The following BMPER variants were observed in gnomAD, a reference collection of about 807,000 sequenced individuals.
The protein encoded by BMPER is BMP-binding endothelial regulator protein.
Under a neutral mutation model 87.3 loss-of-function variants are expected in BMPER, and 45 were observed. The ratio of observed to expected loss-of-function variants is 0.52; its 90% CI spans 0.41 to 0.66. BMPER has a LOEUF of 0.66. Ranked by LOEUF, BMPER falls within the 30% of genes least tolerant of loss-of-function variation. The pLI, the probability that BMPER is intolerant of heterozygous loss-of-function variation, is 0.00. For missense variants in BMPER, 784 were observed against 867.5 expected (o/e 0.90, Z 1.21); for synonymous variants, 326 against 316.2 (o/e 1.03, Z -0.33).
upstream of BMPER, chr7:33,905,237 C>A: frequency 3.0e-6 from 1 of 334,664 alleles, no homozygotes; most frequent in Non-Finnish European, 5.7e-6. Flanking sequence ...AGCGGCAGTG[C>A]GCAGTCGGCA....
At chr7:33,980,819 G>A (rs774276336) in intron 6 of BMPER, among the ~76,000 whole-genome samples, 3 of 152,214 alleles carry the variant, frequency 2.0e-5, no homozygotes, top group Non-Finnish European at 4.4e-5. Flanking sequence ...TTAATGGGCT[G>A]TCTGTGATGA....
At chr7:34,039,312 TA>T (rs1201882330) in intron 6 of BMPER, among the ~76,000 whole-genome samples, 2 of 152,124 alleles carry the variant, frequency 1.3e-5, no homozygotes, top group Non-Finnish European at 2.9e-5. Flanking sequence ...GGAAAGTTAT[TA>T]AAAATGCGCA....
chr7:34,119,012 T>A (rs1458882966), intron 13 of BMPER, among the ~76,000 whole-genome samples: 1,561 of 32,946 alleles, frequency 0.047, 20 homozygotes, highest in Middle Eastern at 0.14. Context: ...TCTCTCTCTC[T>A]CTCACACACA....
At chr7:34,129,957 A>G (rs1326162286) in intron 13 of BMPER, among the ~76,000 whole-genome samples, 1 of 152,170 alleles carries the variant, frequency 6.6e-6, no homozygotes, top group Non-Finnish European at 1.5e-5. Context: ...ATATGAATAT[A>G]AGGACTTCTA....
chr7:33,940,934 G>T (rs1481407945), intron 3 of BMPER, among the ~76,000 whole-genome samples: 7 of 129,992 alleles, frequency 5.4e-5, no homozygotes, highest in African/African-American at 1.8e-4. Context: ...ATATATAATA[G>T]AATTTATATA....
At chr7:34,111,871 G>A (rs948446269) in intron 13 of BMPER, among the ~76,000 whole-genome samples, 22 of 151,956 alleles carry the variant, frequency 1.4e-4, no homozygotes, top group Admixed American at 1.2e-3. Context: ...GCACCACCAC[G>A]CCTGGCTACT....
intron 2 of BMPER, among the ~76,000 whole-genome samples, chr7:33,928,163 G>A (rs960818440): frequency 6.6e-6 from 1 of 152,098 alleles, no homozygotes; most frequent in African/African-American, 2.4e-5. Flanking sequence ...AAGAGAGAAG[G>A]GTTGACTGAG....
intron 6 of BMPER, among the ~76,000 whole-genome samples, chr7:34,001,722 A>T (rs1044549606): frequency 6.6e-5 from 10 of 151,532 alleles, no homozygotes; most frequent in Non-Finnish European, 1.5e-4. Flanking sequence ...GGTGACTTTA[A>T]GGTTTAGTTA....
chr7:34,143,221 G>A lies in BMPER; in HGVS notation c.1746-9G>A, dbSNP rs771051461. On this transcript the variant is annotated splice_polypyrimidine_tract_variant and intron_variant, in intron 13 of 14. Transcript: ENST00000649409. ...TTAAATGTTTCTATCTCTCTTTTGGGTCCTATAGGTCCTGTGTGACAGACA... is the reference window on the plus strand; with the variant it reads ...TTAAATGTTTCTATCTCTCTTTTGGATCCTATAGGTCCTGTGTGACAGACA... The A allele has an allele frequency of 6.2e-7, 1 of 1,613,750 alleles. No individual in the cohort carries two copies. The highest frequency in any genetic ancestry group is 8.5e-7 in the Non-Finnish European group (1 of 1,179,816).
At chr7:33,953,174 G>T (rs1264428968) in intron 3 of BMPER, among the ~76,000 whole-genome samples, 1 of 152,220 alleles carries the variant, frequency 6.6e-6, no homozygotes, top group African/African-American at 2.4e-5. Context: ...CCACCTTGAT[G>T]AGGCTGTGAA....
At chr7:34,089,434 A>G (rs1288012466) in intron 13 of BMPER, among the ~76,000 whole-genome samples, 1 of 152,126 alleles carries the variant, frequency 6.6e-6, no homozygotes, top group Non-Finnish European at 1.5e-5. Flanking sequence ...AATAATGACA[A>G]TGTCTCTGAA....
intron 11 of BMPER, among the ~76,000 whole-genome samples, chr7:34,062,810 G>A (rs558464543): frequency 1.1e-4 from 16 of 152,268 alleles, no homozygotes; most frequent in Middle Eastern, 3.4e-3. Context: ...AGTAGAAAAG[G>A]TATAGTAAAA....
At chr7:34,032,541 G>A (rs769847613) in intron 6 of BMPER, among the ~76,000 whole-genome samples, 2 of 152,112 alleles carry the variant, frequency 1.3e-5, no homozygotes, top group Non-Finnish European at 2.9e-5. Context: ...TTAAGTATTG[G>A]ATGAAAGAAA....
chr7:34,139,370 C>A (rs1790805035), intron 13 of BMPER, among the ~76,000 whole-genome samples: 1 of 152,208 alleles, frequency 6.6e-6, no homozygotes, highest in Non-Finnish European at 1.5e-5. Flanking sequence ...CTCATTTACT[C>A]CCATTCTTTA....
chr7:34,140,698 A>G (rs1247110323), intron 13 of BMPER, among the ~76,000 whole-genome samples: 2 of 152,232 alleles, frequency 1.3e-5, no homozygotes. Flanking sequence ...AATTGTGTAA[A>G]TAGCTTCATA....
At chr7:34,022,705 CAAAAAA>C (rs74837974) in intron 6 of BMPER, among the ~76,000 whole-genome samples, 8 of 59,654 alleles carry the variant, frequency 1.3e-4, no homozygotes, top group Non-Finnish European at 3.1e-4. Flanking sequence ...TAAGGTTTGC[CAAAAAA>C]AAAAAAAAAA....
chr7:34,137,062 A>G lies in BMPER; in HGVS notation c.1746-6168A>G, dbSNP rs145015076. On this transcript the variant is annotated intron_variant, in intron 13 of 14. Coordinates refer to ENST00000649409, the MANE Select transcript of BMPER (RefSeq NM_001365308.1). The stretch of plus-strand genomic sequence containing the variant: ...ATGTGTTTGATGTTTTGATTTTAGC[A>G]GTATTGGAGGTTTGCCTTTTTAATA... Among the ~76,000 whole-genome samples the G allele has an allele frequency of 8.9e-4, 135 of 152,366 alleles. 1 individual carries two copies. Among genetic ancestry groups the G allele is most frequent in the Non-Finnish European group, 3.1e-4 (21 of 68,038 alleles).
At chr7:33,949,727 C>T (rs1417154161) in intron 3 of BMPER, among the ~76,000 whole-genome samples, 3 of 152,024 alleles carry the variant, frequency 2.0e-5, no homozygotes, top group East Asian at 3.9e-4. Context: ...TTTTATCCAC[C>T]TGGCCTCAGA....
At chr7:33,969,462 C>T (rs1785482845) in intron 4 of BMPER, among the ~76,000 whole-genome samples, 1 of 152,198 alleles carries the variant, frequency 6.6e-6, no homozygotes, top group Admixed American at 6.5e-5. Context: ...TGCAGTGGCG[C>T]AATCTCTGCT....
Sources: gnomAD v4.1 joint callset for allele counts (sites outside exome capture counted in the v4.1 genomes callset) on GRCh38, gnomAD v4.1.1 for gene constraint, MANE v1.5 for transcripts, NCBI Gene and HGNC (gene_info 2026-07-23, HGNC 2026-07-21) for gene names.